CEP78: variants seen among roughly 807,000 people sequenced by gnomAD.
CEP78 encodes the protein centrosomal protein of 78 kDa.
In CEP78, 76 loss-of-function variants were observed where a neutral mutation model predicts 81.2. The observed-to-expected ratio is 0.94, with a 90% CI of 0.78 to 1.13. The LOEUF (loss-of-function observed/expected upper bound fraction) is 1.13, where lower values mean the gene tolerates loss of function less well. Ranked by LOEUF, CEP78 falls within the 50% of genes most tolerant of loss-of-function variation. CEP78 has a pLI of 0.00. For synonymous variants in CEP78, 293 were observed against 301.4 expected (o/e 0.97, Z 0.29); for missense variants, 918 against 846.8 (o/e 1.08, Z -1.04).
chr9:78,258,968 A>G (rs140486760), intron 11 of CEP78, among the ~76,000 whole-genome samples: 1,845 of 152,322 alleles, frequency 0.012, 25 homozygotes, highest in Non-Finnish European at 0.013. Context: ...AATGGAAAGT[A>G]TATAAATACG....
At chr9:78,237,657 G>A (rs1826018972) in intron 1 of CEP78, among the ~76,000 whole-genome samples, 1 of 152,186 alleles carries the variant, frequency 6.6e-6, no homozygotes, top group Non-Finnish European at 1.5e-5. Flanking sequence ...TCCTGTCATA[G>A]AGTTGGATGT....
chr9:78,246,386 T>G (rs1470038391), intron 5 of CEP78, among the ~76,000 whole-genome samples: 1 of 152,072 alleles, frequency 6.6e-6, no homozygotes, highest in Non-Finnish European at 1.5e-5. Flanking sequence ...GATCACAAGG[T>G]CAGGAGATCC....
chr9:78,259,531 T>C (rs1827183142), intron 11 of CEP78, among the ~76,000 whole-genome samples: 1 of 152,240 alleles, frequency 6.6e-6, no homozygotes, highest in Non-Finnish European at 1.5e-5. Flanking sequence ...GGAAGCTGGA[T>C]GTGTGAGTGA....
chr9:78,244,134 C>CTTTTTTTTT (rs971743733), intron 5 of CEP78, among the ~76,000 whole-genome samples: 1 of 110,776 alleles, frequency 9.0e-6, no homozygotes, highest in Non-Finnish European at 1.9e-5. Flanking sequence ...ATTGAAGTTA[C>CTTTTTTTTT]TTTTTTTTTT....
Position 78,251,951 on chromosome 9 carries a change from C to G in CEP78, c.1113C>G (p.Ser371=), listed in dbSNP as rs778800446. The change falls in exon 9 of 17, where the codon TCC becomes TCG. Residue 371 remains serine (S), a synonymous_variant. Transcript: ENST00000643273. ...CTGTAAGTAGTGGCAGAAAACACTCCCTTGGTAAAGAATATTATGCGCCCG... is the reference window on the plus strand; with the variant it reads ...CTGTAAGTAGTGGCAGAAAACACTCGCTTGGTAAAGAATATTATGCGCCCG... ...KKPVSSGRKH[S]LGKEYYAPAP... is the part of the protein sequence containing the mutation. 1 of 1,607,966 alleles carries G rather than the reference C, an allele frequency of 6.2e-7. No homozygotes were observed. Among genetic ancestry groups the G allele is most frequent in the East Asian group, 2.2e-5 (1 of 44,856 alleles).
chr9:78,266,021 G>T (rs1436841438), intron 15 of CEP78, 115 bp downstream of exon 15: 3 of 639,306 alleles, frequency 4.7e-6, no homozygotes. Context: ...TCTGCCACAG[G>T]AGTCCCCTGC....
rs559765847 is a variant in CEP78, at chr9:78,269,402, A to G, written c.2108-1439A>G. Reference sequence around the variant, plus strand: ...TTCAGGAGGAAATGACTGGTAGATGATTGGATGTACATATGAAGACATGGA... The same window carrying G: ...TTCAGGAGGAAATGACTGGTAGATGGTTGGATGTACATATGAAGACATGGA... On this transcript the variant is annotated intron_variant, in intron 16 of 16. Coordinates refer to ENST00000643273, the MANE Select transcript of CEP78 (RefSeq NM_001330691.3). 3.2e-4 allele frequency among the ~76,000 whole-genome samples: 49 copies of G among 152,350 alleles called. 1 individual carries two copies. Among genetic ancestry groups the G allele is most frequent in the Non-Finnish European group, 6.9e-4 (47 of 68,026 alleles).
intron 11 of CEP78, among the ~76,000 whole-genome samples, chr9:78,256,813 TAA>T (rs1328394675): frequency 1.3e-5 from 2 of 152,134 alleles, no homozygotes; most frequent in African/African-American, 4.8e-5. Flanking sequence ...AAACTCTACT[TAA>T]CATCCTTAGG....
rs147355880 is a variant in CEP78, at chr9:78,264,344, G to C, written c.1625+28G>C. The C allele has an allele frequency of 1.9e-6, 3 of 1,602,554 alleles. No homozygotes were observed. In the East Asian group the frequency reaches 6.7e-5, roughly 36 times the overall value. On this transcript the variant is annotated intron_variant, in intron 13 of 16. Coordinates refer to ENST00000643273, the MANE Select transcript of CEP78 (RefSeq NM_001330691.3). ...TAGTTACTTTCTCCCTATGACATTC[G>C]TCCCTCCATGACTTTAATGGTGTTT... is the stretch of plus-strand genomic sequence containing the variant.
intron 3 of CEP78, among the ~76,000 whole-genome samples, chr9:78,241,041 A>G (rs1826203873): frequency 6.6e-6 from 1 of 152,216 alleles, no homozygotes. Flanking sequence ...GTATGTTCCA[A>G]AATAGGAAAT....
At position 78,240,180 on chromosome 9, in the gene CEP78, A is replaced by G. The variant is rs560022941; in HGVS notation, c.411A>G (p.Leu137=). 502 of 1,603,908 alleles carry G rather than the reference A, an allele frequency of 3.1e-4. 5 individuals carry two copies. In the South Asian group the frequency reaches 5.3e-3, roughly 17 times the overall value. The change falls in exon 2 of 17, where the codon TTA becomes TTG. Residue 137 remains leucine, a synonymous_variant. Transcript: ENST00000643273. ...GACTAATTCTGAGAGAGAGGGATTT[A>G]ACTATTCTAGCAAAGGTAAGCTTTG... ...LNGLILRERD[L]TILAKGLNKS...
chr9:78,247,288 A>G (rs1458757177), intron 6 of CEP78, among the ~76,000 whole-genome samples: 1 of 152,158 alleles, frequency 6.6e-6, no homozygotes, highest in African/African-American at 2.4e-5. Context: ...ACTATATTAG[A>G]TAGGTTTTTT....
chr9:78,238,594 C>G (rs72743752), intron 1 of CEP78, among the ~76,000 whole-genome samples: 6,740 of 152,018 alleles, frequency 0.044, 259 homozygotes, highest in Admixed American at 0.14. Flanking sequence ...AACCTGACCA[C>G]TTGTCGTGTG....
Position 78,276,006 on chromosome 9 carries a change from T to C in CEP78, c.*5155T>C, listed in dbSNP as rs1007802057. 6.6e-6 allele frequency: 1 copy of C among 152,058 alleles called. No homozygotes were observed. The highest frequency in any genetic ancestry group is 1.5e-5 in the Non-Finnish European group (1 of 68,020). 9.4% of individuals were successfully genotyped at this position (152,058 alleles called of 1,614,324 possible). On this transcript the variant is annotated 3_prime_UTR_variant, in exon 17 of 17. Coordinates refer to ENST00000643273, the MANE Select transcript of CEP78 (RefSeq NM_001330691.3). ...TTTATTTGTAAACCATTCCAGAGGA[T>C]AGAAAAGAGATGTAAGGCTCCCTAA...
chr9:78,240,480 A>T, intron 3 of CEP78, 116 bp downstream of exon 3: 1 of 864,730 alleles, frequency 1.2e-6, no homozygotes, highest in South Asian at 1.5e-5. Flanking sequence ...ATGCTTGTTC[A>T]AACCTTGGTC....
Position 78,271,036 on chromosome 9 carries a change from A to G in CEP78, c.*185A>G. On this transcript the variant is annotated 3_prime_UTR_variant, in exon 17 of 17. Transcript: ENST00000643273. ...TCTGGAGTTTGCCACCAGGCTAAGA[A>G]AGCAGCTATCTGAAGTGGGAGCTCT... 1 of 484,704 alleles carries G rather than the reference A, an allele frequency of 2.1e-6. No homozygotes were observed. The highest frequency in any genetic ancestry group is 4.2e-5 in the Admixed American group (1 of 23,832). 30.0% of individuals were successfully genotyped at this position (484,704 alleles called of 1,614,324 possible). A position where few individuals can be genotyped will look rare whatever the true frequency, so the allele number is the denominator to read the frequency against.
In CEP78 at chr9:78,236,105, G is replaced by A; in HGVS notation, c.-246G>A. ...GAATCCCGGCGCCTCAGAGGACTAT[G>A]AGGCGGGCGCCAACTGCTTGGGCCG... On this transcript the variant is annotated 5_prime_UTR_variant, in exon 1 of 17. The change abolishes an upstream ATG in the 5' untranslated region. Coordinates refer to ENST00000643273, the MANE Select transcript of CEP78 (RefSeq NM_001330691.3). The A allele has an allele frequency of 1.9e-6, 1 of 525,814 alleles. No individual in the cohort carries two copies. The allele number at this position is 525,814 out of a possible 1,614,324, so 32.6% of individuals were successfully genotyped here.
Position 78,271,007 on chromosome 9 carries a change from T to C in CEP78, c.*156T>C. The C allele has an allele frequency of 2.0e-6, 1 of 503,758 alleles. No homozygotes were observed. The highest frequency in any genetic ancestry group is 3.1e-5 in the South Asian group (1 of 32,108). The allele number at this position is 503,758 out of a possible 1,614,324, so 31.2% of individuals were successfully genotyped here. A position where few individuals can be genotyped will look rare whatever the true frequency, so the allele number is the denominator to read the frequency against. On this transcript the variant is annotated 3_prime_UTR_variant, in exon 17 of 17. Coordinates refer to ENST00000643273, the MANE Select transcript of CEP78 (RefSeq NM_001330691.3). ...CCATTCCACTCATCTTTGGAGCATC[T>C]GATTCTGGAGTTTGCCACCAGGCTA...
intron 11 of CEP78, among the ~76,000 whole-genome samples, chr9:78,262,190 T>C (rs1178552906): frequency 6.6e-6 from 1 of 151,072 alleles, no homozygotes; most frequent in East Asian, 1.9e-4. Context: ...CATTTCATCA[T>C]AGGGATGTGC....
Sources: allele counts gnomAD v4.1 joint callset (sites outside exome capture counted in the v4.1 genomes callset), GRCh38; gene constraint gnomAD v4.1.1; transcripts MANE v1.5; gene names NCBI Gene and HGNC (gene_info 2026-07-23, HGNC 2026-07-21).